ZNF215: variants seen among roughly 807,000 people sequenced by gnomAD.
The protein encoded by ZNF215 is BWSCR2-associated zinc finger protein 2.
ZNF215 carries 24 observed loss-of-function variants against 27.2 expected under a neutral mutation model. The observed-to-expected ratio is 0.88, with a 90% confidence interval of 0.64 to 1.24. ZNF215 has a LOEUF of 1.24. Among genes scored for constraint, ZNF215 ranks in the 50% most tolerant of loss-of-function variants. The pLI is 0.00. For synonymous variants in ZNF215, 210 were observed against 204.0 expected, an observed-to-expected ratio of 1.03 and a Z score of -0.25; for missense variants, 675 against 605.7, an observed-to-expected ratio of 1.11 and a Z score of -1.20.
intron 5 of ZNF215, among the ~76,000 whole-genome samples, chr11:6,967,582 T>A (rs1364211927): frequency 6.6e-6 from 1 of 152,218 alleles, no homozygotes; most frequent in African/African-American, 2.4e-5. Context: ...TTTCATATGC[T>A]TTTTAGCCAC....
At chr11:6,931,327 C>G (rs1849250958) in intron 2 of ZNF215, among the ~76,000 whole-genome samples, 1 of 152,154 alleles carries the variant, frequency 6.6e-6, no homozygotes, top group African/African-American at 2.4e-5. Context: ...CAGAGTGTTT[C>G]CTACACCACG....
downstream of ZNF215, among the ~76,000 whole-genome samples, chr11:6,959,389 T>G (rs2087582797): frequency 6.6e-6 from 1 of 152,178 alleles, no homozygotes; most frequent in African/African-American, 2.4e-5. Flanking sequence ...TTTAGAAGTT[T>G]GAGCTTCAGC....
intron 5 of ZNF215, among the ~76,000 whole-genome samples, chr11:6,966,498 A>G (rs1044936465): frequency 6.7e-5 from 10 of 148,918 alleles, no homozygotes; most frequent in Non-Finnish European, 1.3e-4. Context: ...AAAGTTGGAA[A>G]GAAAAAAAAA....
downstream of ZNF215, among the ~76,000 whole-genome samples, chr11:6,960,354 C>A (rs1343450936): frequency 1.3e-5 from 2 of 152,054 alleles, no homozygotes; most frequent in Non-Finnish European, 2.9e-5. Context: ...CAAAGAGTGA[C>A]AAAGAATGCG....
At chr11:6,964,849 T>A (rs1850586407) in intron 5 of ZNF215, among the ~76,000 whole-genome samples, 1 of 152,074 alleles carries the variant, frequency 6.6e-6, no homozygotes, top group South Asian at 2.1e-4. Flanking sequence ...TAACACTGTT[T>A]TACATAAATT....
At chr11:6,981,073 T>C (rs1449300749) in intron 5 of ZNF215, among the ~76,000 whole-genome samples, 1 of 151,620 alleles carries the variant, frequency 6.6e-6, no homozygotes, top group African/African-American at 2.4e-5. Flanking sequence ...TAAACATACA[T>C]GTGCATGTGT....
chr11:6,974,670 C>G lies in ZNF215; in HGVS notation c.806-9459C>G, dbSNP rs574242597. Among the ~76,000 whole-genome samples the G allele has an allele frequency of 7.7e-3, 1,169 of 151,416 alleles. 4 individuals are homozygous for G. Among genetic ancestry groups the G allele is most frequent in the Middle Eastern group, 0.041 (12 of 294 alleles). On this transcript the variant is annotated intron_variant, in intron 5 of 5. Coordinates refer to the ZNF215 transcript ENST00000529903. ...TTTGAAGCAATTGTGAATGGGAGTT[C>G]ACTCATGATTTGGCTCTCTGTTTGT...
In ZNF215 at chr11:6,941,617, G is replaced by C. The variant is rs1471893188; in HGVS notation, c.447G>C (p.Glu149Asp). ...CCCTGCAGATGGGGAGCATCAAGGAGAAAATGAAAGCTGGCTCACGAACAG... is the reference window on the plus strand; with the variant it reads ...CCCTGCAGATGGGGAGCATCAAGGACAAAATGAAAGCTGGCTCACGAACAG... ...DSALQMGSIKEKMKAGSRTGK... is the reference protein window; with the variant it reads ...DSALQMGSIKDKMKAGSRTGK... Residue 149 changes from glutamate (E) to aspartate (D), a missense_variant, in exon 4 of 7, where the codon GAG becomes GAC. Physicochemically the swap from Glu to Asp is conservative, Grantham distance 45. Coordinates refer to ENST00000278319, the MANE Select transcript of ZNF215 (RefSeq NM_013250.4). 4 of 1,614,106 alleles carry C rather than the reference G, an allele frequency of 2.5e-6. No individual in the cohort carries two copies. The highest frequency in any genetic ancestry group is 3.4e-6 in the Non-Finnish European group (4 of 1,179,962).
downstream of ZNF215, among the ~76,000 whole-genome samples, chr11:6,962,932 A>G (rs1329492842): frequency 2.6e-5 from 4 of 152,008 alleles, no homozygotes; most frequent in Non-Finnish European, 5.9e-5. Flanking sequence ...TTCCTGTGTC[A>G]TGTTGTGTGT....
chr11:6,973,860 G>A (rs966968412), intron 5 of ZNF215, among the ~76,000 whole-genome samples: 4 of 152,090 alleles, frequency 2.6e-5, no homozygotes, highest in Non-Finnish European at 4.4e-5. Context: ...TGACTCTGAT[G>A]GTAGTTTCTT....
chr11:6,974,874 T>C (rs1401589738), intron 5 of ZNF215, among the ~76,000 whole-genome samples: 1 of 152,182 alleles, frequency 6.6e-6, no homozygotes, highest in Non-Finnish European at 1.5e-5. Context: ...CCTAATTGAA[T>C]GCCCTTTATT....
In ZNF215 at chr11:6,956,003, A is replaced by G. The variant is rs764688256; in HGVS notation, c.1026A>G (p.Lys342=). 7.4e-6 allele frequency: 12 copies of G among 1,611,604 alleles called. No individual in the cohort carries two copies. In the South Asian group the frequency reaches 1.0e-4, roughly 13 times the overall value. Residue 342 remains lysine, a synonymous_variant, in exon 7 of 7, where the codon AAA becomes AAG. Transcript: ENST00000278319. Reference sequence around the variant, plus strand: ...GTGATAAGTTTAAAACTTACTTCAAATTTAATTTAGACTCAGTAGGTAAGC... The same window carrying G: ...GTGATAAGTTTAAAACTTACTTCAAGTTTAATTTAGACTCAGTAGGTAAGC... The part of the protein sequence containing the change: ...PKCDKFKTYF[K]FNLDSVGKQH...
chr11:6,930,573 G>A (rs1051747145), intron 2 of ZNF215, among the ~76,000 whole-genome samples: 4 of 152,226 alleles, frequency 2.6e-5, no homozygotes, highest in African/African-American at 7.2e-5. Flanking sequence ...TACTCTGTGC[G>A]CTGATACTTA....
intron 5 of ZNF215, among the ~76,000 whole-genome samples, chr11:6,979,103 A>C (rs1301742376): frequency 1.3e-5 from 2 of 152,060 alleles, no homozygotes; most frequent in African/African-American, 2.4e-5. Context: ...GTAATGGAAT[A>C]CAAATTTTGG....
chr11:6,973,384 T>C (rs563923150), intron 5 of ZNF215, among the ~76,000 whole-genome samples: 3 of 152,368 alleles, frequency 2.0e-5, no homozygotes, highest in African/African-American at 7.2e-5. Context: ...TATAGCAGCA[T>C]GATTTATAAT....
intron 6 of ZNF215, among the ~76,000 whole-genome samples, chr11:6,994,258 T>G (rs1851153173): frequency 1.3e-5 from 2 of 151,734 alleles, no homozygotes; most frequent in South Asian, 4.1e-4. Context: ...TATGTATTGA[T>G]CCGTTGACAA....
downstream of ZNF215, among the ~76,000 whole-genome samples, chr11:6,987,567 C>T (rs564342466): frequency 1.8e-4 from 27 of 152,204 alleles, no homozygotes; most frequent in East Asian, 3.9e-3. Flanking sequence ...AAAAGAAATC[C>T]ACACATAGGC....
downstream of ZNF215, among the ~76,000 whole-genome samples, chr11:6,961,187 T>C (rs1482658126): frequency 6.6e-6 from 1 of 152,156 alleles, no homozygotes; most frequent in African/African-American, 2.4e-5. Context: ...TTTTTGCTAA[T>C]AGAATTGCCA....
chr11:6,961,267 C>G (rs1041518581), downstream of ZNF215, among the ~76,000 whole-genome samples: 2 of 151,982 alleles, frequency 1.3e-5, no homozygotes, highest in Admixed American at 6.6e-5. Context: ...TTTTTTCTGT[C>G]AGGGTTATAT....
Sources: allele counts gnomAD v4.1 joint callset (sites outside exome capture counted in the v4.1 genomes callset), GRCh38; gene constraint gnomAD v4.1.1; transcripts MANE v1.5; gene names NCBI Gene and HGNC (gene_info 2026-07-23, HGNC 2026-07-21).